The following RBPJ variants were observed in gnomAD, a reference collection of about 807,000 sequenced individuals.
The protein encoded by RBPJ is recombination signal binding protein for immunoglobulin kappa J region, also known as recombining binding protein suppressor of hairless.
In RBPJ, 9 loss-of-function variants were observed where a neutral mutation model predicts 67.8. The observed-to-expected ratio is 0.13, with a 90% CI of 0.08 to 0.23. The LOEUF (loss-of-function observed/expected upper bound fraction) is 0.23, where lower values mean the gene tolerates loss of function less well. RBPJ is among the 10% of genes least tolerant of loss of function. RBPJ has a pLI of 1.00. For synonymous variants in RBPJ, 198 were observed against 203.3 expected (o/e 0.97, Z 0.22); for missense variants, 305 against 595.6 (o/e 0.51, Z 5.08).
At chr4:26,368,516 T>A (rs1728843635) in intron 1 of RBPJ, among the ~76,000 whole-genome samples, 1 of 152,228 alleles carries the variant, frequency 6.6e-6, no homozygotes. Flanking sequence ...TCTTCAAAGC[T>A]TTGTGTCTTT....
At chr4:26,373,053 A>G (rs562269803) in intron 1 of RBPJ, among the ~76,000 whole-genome samples, 86 of 152,334 alleles carry the variant, frequency 5.6e-4, no homozygotes, top group African/African-American at 2.0e-3. Flanking sequence ...CATTTTTACC[A>G]CAAATGTAGG....
At chr4:26,349,542 A>G (rs1244589472) in intron 1 of RBPJ, among the ~76,000 whole-genome samples, 1 of 152,214 alleles carries the variant, frequency 6.6e-6, no homozygotes, top group Non-Finnish European at 1.5e-5. Flanking sequence ...CTGAAAAGCT[A>G]TTGTTTAAAT....
At chr4:26,204,075 G>A (rs1718082234) in intron 1 of RBPJ, among the ~76,000 whole-genome samples, 1 of 152,128 alleles carries the variant, frequency 6.6e-6, no homozygotes, top group African/African-American at 2.4e-5. Flanking sequence ...CTCCCGAGTA[G>A]CTGGGACCAC....
At chr4:26,189,514 C>T (rs1188353125) in intron 1 of RBPJ, among the ~76,000 whole-genome samples, 1 of 151,978 alleles carries the variant, frequency 6.6e-6, no homozygotes, top group African/African-American at 2.4e-5. Context: ...AAAAATTAGC[C>T]GGATGTGGTG....
Position 26,264,826 on chromosome 4 carries a change from G to C in RBPJ, c.-166-97620G>C, listed in dbSNP as rs1198449567. ...GCAGGCATTTTATGGTTTGCCTTAAGTTATTGTAGAGGCAAAGAAAATTTC... is the reference window on the plus strand; with the variant it reads ...GCAGGCATTTTATGGTTTGCCTTAACTTATTGTAGAGGCAAAGAAAATTTC... On this transcript the variant is annotated intron_variant, in intron 1 of 4. Coordinates refer to the RBPJ transcript ENST00000512351. This position sits in a 1 kb window ranked among gnomAD's most constrained non-coding sequence, Gnocchi z 4.1. 6.6e-6 allele frequency among the ~76,000 whole-genome samples: 1 copy of C among 152,178 alleles called. No homozygotes were observed. Among genetic ancestry groups the C allele is most frequent in the Non-Finnish European group, 1.5e-5 (1 of 68,032 alleles).
At chr4:26,378,792 C>T (rs1293311395) in intron 1 of RBPJ, among the ~76,000 whole-genome samples, 5 of 152,094 alleles carry the variant, frequency 3.3e-5, no homozygotes, top group Admixed American at 6.5e-5. Context: ...TTTGGGAGGC[C>T]GAGGCAGGTG....
chr4:26,355,801 G>A (rs1727316431), intron 1 of RBPJ, among the ~76,000 whole-genome samples: 1 of 152,174 alleles, frequency 6.6e-6, no homozygotes, highest in South Asian at 2.1e-4. Flanking sequence ...CAAACTGTAA[G>A]GAAGAACACC....
chr4:26,367,589 G>A (rs1481259856), intron 1 of RBPJ, among the ~76,000 whole-genome samples: 1 of 152,202 alleles, frequency 6.6e-6, no homozygotes, highest in African/African-American at 2.4e-5. Flanking sequence ...AAAAAATTAA[G>A]CATAAATCCA....
At chr4:26,318,996 CAAAAA>C (rs201084739), upstream of RBPJ, among the ~76,000 whole-genome samples, 5 of 83,904 alleles carry the variant, frequency 6.0e-5, no homozygotes, top group Non-Finnish European at 1.1e-4. Context: ...GACTCCGTCT[CAAAAA>C]AAAAAAAAAA....
At chr4:26,299,745 C>A (rs1319267860) in intron 1 of RBPJ, among the ~76,000 whole-genome samples, 2 of 138,188 alleles carry the variant, frequency 1.4e-5, no homozygotes, top group African/African-American at 5.4e-5. Flanking sequence ...ATGGCGAGAT[C>A]CTGGCTCACT....
chr4:26,270,413 G>GA (rs1158489188), intron 1 of RBPJ, among the ~76,000 whole-genome samples: 8 of 55,876 alleles, frequency 1.4e-4, no homozygotes, highest in South Asian at 1.2e-3. Context: ...AAGAAAGAAA[G>GA]AAAGAAAGAA....
At chr4:26,340,042 C>G (rs1725347262) in intron 1 of RBPJ, among the ~76,000 whole-genome samples, 1 of 152,046 alleles carries the variant, frequency 6.6e-6, no homozygotes, top group African/African-American at 2.4e-5. Context: ...ACATTTCATT[C>G]ATTCATTCAG....
Position 26,397,566 on chromosome 4 carries a change from T to C in RBPJ, c.60-8609T>C, listed in dbSNP as rs183091358. On this transcript the variant is annotated intron_variant, in intron 2 of 10. Transcript: ENST00000355476. ...TTTCTGTAGCGTCAAGTAGTATATA[T>C]TTTAGGCTTTGAGGGCCACATACTA... is the stretch of plus-strand genomic sequence containing the variant. Among the ~76,000 whole-genome samples, 244 of 152,316 alleles carry C rather than the reference T, an allele frequency of 1.6e-3. 2 individuals carry two copies. Among genetic ancestry groups the C allele is most frequent in the African/African-American group, 5.7e-3 (235 of 41,574 alleles).
chr4:26,295,230 A>G (rs1225000007), intron 1 of RBPJ, among the ~76,000 whole-genome samples: 1 of 147,136 alleles, frequency 6.8e-6, no homozygotes, highest in Non-Finnish European at 1.5e-5. Flanking sequence ...GTTGTCCAGG[A>G]AGAAAGGGTG....
chr4:26,147,509 C>T, the RBPJ span, among the ~76,000 whole-genome samples: 1 of 152,244 alleles, frequency 6.6e-6, no homozygotes, highest in African/African-American at 2.4e-5. Flanking sequence ...GAGCCTCGGT[C>T]ACCAGCTTAC....
intron 1 of RBPJ, among the ~76,000 whole-genome samples, chr4:26,230,780 G>A (rs189954075): frequency 4.0e-5 from 6 of 151,470 alleles, no homozygotes; most frequent in East Asian, 3.9e-4. Flanking sequence ...CCACACTTTC[G>A]ACCTAGCATC....
the RBPJ span, among the ~76,000 whole-genome samples, chr4:26,130,819 G>C: frequency 6.6e-6 from 1 of 152,130 alleles, no homozygotes; most frequent in Admixed American, 6.5e-5. Context: ...TAGGTTTACA[G>C]CTCTCACATG....
the RBPJ span, among the ~76,000 whole-genome samples, chr4:26,132,405 G>C: frequency 2.0e-5 from 3 of 151,890 alleles, no homozygotes; most frequent in Non-Finnish European, 2.9e-5. Flanking sequence ...CCACCCCCAG[G>C]TGTGCCCACC....
upstream of RBPJ, among the ~76,000 whole-genome samples, chr4:26,162,672 C>T (rs1255580240): frequency 6.6e-6 from 1 of 152,190 alleles, no homozygotes; most frequent in Non-Finnish European, 1.5e-5. Flanking sequence ...CCAGGTCAGA[C>T]AGCTATTAGG....
Sources: allele counts gnomAD v4.1 joint callset (sites outside exome capture counted in the v4.1 genomes callset), GRCh38; gene constraint gnomAD v4.1.1; non-coding constraint Gnocchi (gnomAD v3.1); transcripts MANE v1.5; gene names NCBI Gene and HGNC (gene_info 2026-07-23, HGNC 2026-07-21).